The following TDRD5 variants were observed in gnomAD, a reference collection of about 807,000 sequenced individuals.
TDRD5 encodes the protein tudor domain-containing protein 5.
In TDRD5, 41 loss-of-function variants were observed where a neutral mutation model predicts 120.6. The observed-to-expected ratio is 0.34, with a 90% CI of 0.26 to 0.44. The LOEUF is 0.44. Ranked by LOEUF, TDRD5 falls within the 20% of genes least tolerant of loss-of-function variation. The pLI, the probability that TDRD5 is intolerant of heterozygous loss-of-function variation, is 1.00. For synonymous variants in TDRD5, 430 were observed against 433.7 expected (o/e 0.99, Z 0.11); for missense variants, 1,006 against 1,221.2 (o/e 0.82, Z 2.63).
At chr1:179,601,865 G>A (rs113486151) in intron 4 of TDRD5, among the ~76,000 whole-genome samples, 1 of 152,204 alleles carries the variant, frequency 6.6e-6, no homozygotes, top group African/African-American at 2.4e-5. Flanking sequence ...GAGTGCAGTG[G>A]CACAATCTTG....
intron 11 of TDRD5, among the ~76,000 whole-genome samples, chr1:179,644,816 CA>C (rs1558401991): frequency 6.6e-6 from 1 of 151,736 alleles, no homozygotes; most frequent in African/African-American, 2.4e-5. Flanking sequence ...CTATTATAAA[CA>C]TTTTTTTTCT....
intron 11 of TDRD5, among the ~76,000 whole-genome samples, chr1:179,647,450 T>C (rs1401734586): frequency 6.6e-6 from 1 of 151,952 alleles, no homozygotes; most frequent in Non-Finnish European, 1.5e-5. Flanking sequence ...AAAAATCAAT[T>C]CAAGGTGGAT....
In TDRD5 at chr1:179,654,373, G is replaced by A. The variant is rs1646812534; in HGVS notation, c.2322+11G>A. On this transcript the variant is annotated intron_variant, in intron 14 of 17. Coordinates refer to ENST00000444136, the MANE Select transcript of TDRD5 (RefSeq NM_001199085.3). ...AAGGAAGAAAATGAGGTAGGAGAAG[G>A]AAAGATAGTCTTTGAATATGTAATT... is the stretch of plus-strand genomic sequence containing the variant. 1 of 1,519,194 alleles carries A rather than the reference G, an allele frequency of 6.6e-7. No homozygotes were observed. The highest frequency in any genetic ancestry group is 8.8e-7 in the Non-Finnish European group (1 of 1,131,256). The allele number at this position is 1,519,194 out of a possible 1,614,324, so 94.1% of individuals were successfully genotyped here.
intron 17 of TDRD5, among the ~76,000 whole-genome samples, chr1:179,670,195 G>A (rs1679784884): frequency 6.6e-6 from 1 of 152,102 alleles, no homozygotes; most frequent in African/African-American, 2.4e-5. Context: ...TTCAAGACCA[G>A]CCTGGCCAAG....
Position 179,662,208 on chromosome 1 carries a change from T to C in TDRD5, c.2427T>C (p.Gly809=). The C allele has an allele frequency of 6.2e-7, 1 of 1,611,684 alleles. No homozygotes were observed. The highest frequency in any genetic ancestry group is 8.5e-7 in the Non-Finnish European group (1 of 1,179,116). Residue 809 remains glycine (G), a synonymous_variant, in exon 15 of 18, where the codon GGT becomes GGC. Transcript: ENST00000444136. ...TACAGGCTAAGATGGGAAAAGGAGG[T>C]GATGCTGCCTCCCATCTATTTACTG... ...LPLQAKMGKG[G]DAASHLFTAS...
At chr1:179,648,221 G>A (rs1199078566) in intron 11 of TDRD5, among the ~76,000 whole-genome samples, 26 of 145,402 alleles carry the variant, frequency 1.8e-4, no homozygotes, top group African/African-American at 5.5e-4. Flanking sequence ...CGATAGACTG[G>A]ATTAAGAAAA....
chr1:179,656,006 G>A lies in TDRD5; in HGVS notation c.2322+1644G>A, dbSNP rs559769664. The stretch of plus-strand genomic sequence containing the variant: ...GTAAGATTGCTGGGTCATGTGATAA[G>A]TGTATGTCAAACTTTTTTCCAGAGT... On this transcript the variant is annotated intron_variant, in intron 14 of 17. Coordinates refer to ENST00000444136, the MANE Select transcript of TDRD5 (RefSeq NM_001199085.3). Among the ~76,000 whole-genome samples the A allele has an allele frequency of 1.6e-4, 25 of 152,284 alleles. No individual in the cohort carries two copies. In the South Asian group the frequency reaches 5.2e-3, roughly 32 times the overall value.
chr1:179,660,936 A>G (rs948247877), intron 14 of TDRD5, among the ~76,000 whole-genome samples: 10 of 152,188 alleles, frequency 6.6e-5, no homozygotes, highest in Admixed American at 3.3e-4. Flanking sequence ...CTTGAAGGAT[A>G]TTTTGGCTGT....
At chr1:179,661,957 G>T in intron 14 of TDRD5, 147 bp from the exon 15 acceptor site, 1 of 659,790 alleles carries the variant, frequency 1.5e-6, no homozygotes. Context: ...TATTATTTTG[G>T]TGGCATTTCA....
At chr1:179,614,013 T>C (rs1676428079) in intron 4 of TDRD5, among the ~76,000 whole-genome samples, 1 of 152,256 alleles carries the variant, frequency 6.6e-6, no homozygotes, top group Non-Finnish European at 1.5e-5. Context: ...TTTAGCCATG[T>C]GCATCCTCTT....
intron 17 of TDRD5, among the ~76,000 whole-genome samples, chr1:179,673,604 A>G (rs1679968123): frequency 6.6e-6 from 1 of 152,152 alleles, no homozygotes; most frequent in South Asian, 2.1e-4. Flanking sequence ...AAGCAAAGGC[A>G]AGAAGCAGGG....
chr1:179,683,486 T>A (rs1680537978), intron 17 of TDRD5, among the ~76,000 whole-genome samples: 1 of 152,184 alleles, frequency 6.6e-6, no homozygotes, highest in Admixed American at 6.5e-5. Context: ...GACACTATAG[T>A]TTTATGATCA....
chr1:179,673,294 C>T (rs1679950294), intron 17 of TDRD5, among the ~76,000 whole-genome samples: 1 of 152,070 alleles, frequency 6.6e-6, no homozygotes, highest in Non-Finnish European at 1.5e-5. Flanking sequence ...TGTTTTTCTC[C>T]ATATAGAAGT....
At chr1:179,609,928 T>C (rs1676192773) in intron 4 of TDRD5, among the ~76,000 whole-genome samples, 1 of 152,162 alleles carries the variant, frequency 6.6e-6, no homozygotes, top group South Asian at 2.1e-4. Flanking sequence ...TTTAGCATCC[T>C]CATCATCTCA....
intron 16 of TDRD5, among the ~76,000 whole-genome samples, chr1:179,663,987 C>T (rs138997094): frequency 9.9e-5 from 15 of 152,262 alleles, no homozygotes; most frequent in Admixed American, 9.2e-4. Context: ...GAATATATTA[C>T]GAGCATCCTG....
intron 17 of TDRD5, among the ~76,000 whole-genome samples, chr1:179,675,521 C>G (rs1026753392): frequency 1.3e-5 from 2 of 151,404 alleles, no homozygotes. Flanking sequence ...CCTCGTGATC[C>G]GCCCGCCTCG....
intron 11 of TDRD5, among the ~76,000 whole-genome samples, chr1:179,648,570 T>C (rs1291759839): frequency 6.8e-6 from 1 of 147,768 alleles, no homozygotes; most frequent in East Asian, 2.0e-4. Flanking sequence ...ATTGTGCACA[T>C]GTACCCTAAA....
At chr1:179,676,497 ATG>A (rs1338915885) in intron 17 of TDRD5, among the ~76,000 whole-genome samples, 1 of 151,944 alleles carries the variant, frequency 6.6e-6, no homozygotes, top group African/African-American at 2.4e-5. Flanking sequence ...TATTTTGAGG[ATG>A]TGTTTCAAGA....
Position 179,634,492 on chromosome 1 carries a change from G to A in TDRD5, c.1162G>A (p.Val388Ile). ...TAAGAAAATAGAAGCCAAAGCTTGT[G>A]TCTCCAGTCCACCTAGAAATTCATT... Reference protein sequence around the residue: ...SDKKIEAKACVSSPPRNSLST... With the variant: ...SDKKIEAKACISSPPRNSLST... The change falls in exon 8 of 18, where the codon GTC (valine) becomes ATC (isoleucine). Residue 388 changes from valine (V) to isoleucine (I), a missense_variant. Coordinates refer to ENST00000444136, the MANE Select transcript of TDRD5 (RefSeq NM_001199085.3). 1 of 1,605,574 alleles carries A rather than the reference G, an allele frequency of 6.2e-7. No homozygotes were observed. The highest frequency in any genetic ancestry group is 8.5e-7 in the Non-Finnish European group (1 of 1,178,170).
Sources: allele counts gnomAD v4.1 joint callset (sites outside exome capture counted in the v4.1 genomes callset), GRCh38; gene constraint gnomAD v4.1.1; transcripts MANE v1.5; gene names NCBI Gene and HGNC (gene_info 2026-07-23, HGNC 2026-07-21).